The following TMOD4 variants were observed in gnomAD, a reference collection of about 807,000 sequenced individuals.
TMOD4 encodes tropomodulin-4.
A neutral mutation model predicts 45.4 loss-of-function variants in TMOD4; 34 were observed. The observed-to-expected ratio is 0.75, with a 90% CI of 0.57 to 1.00. The LOEUF is 1.00. TMOD4 is among the 50% of genes least tolerant of loss of function. TMOD4 has a pLI of 0.00. For missense variants in TMOD4, 399 were observed against 437.5 expected (o/e 0.91, Z 0.78); for synonymous variants, 131 against 153.9 (o/e 0.85, Z 1.10).
intron 5 of TMOD4, 89 bp downstream of exon 5, chr1:151,172,179 A>G: frequency 9.2e-7 from 1 of 1,083,632 alleles, no homozygotes; most frequent in East Asian, 2.4e-5. Flanking sequence ...CTCTCCCAGA[A>G]TCATCAATTT....
In TMOD4 at chr1:151,170,612, G is replaced by C. The variant is rs753356042; in HGVS notation, c.922C>G (p.Gln308Glu). The C allele has an allele frequency of 6.2e-7, 1 of 1,614,202 alleles. No individual in the cohort carries two copies. Among genetic ancestry groups the C allele is most frequent in the African/African-American group, 1.3e-5 (1 of 75,056 alleles). Residue 308 changes from glutamine to glutamate, a missense_variant, in exon 9 of 10, where the codon CAG becomes GAG. By Grantham distance (29) the Gln-to-Glu change is conservative. Coordinates refer to ENST00000295314, the MANE Select transcript of TMOD4 (RefSeq NM_013353.3). ...VEMEMATVLE[Q>E]CPSIVRFGYH... is the part of the protein sequence containing the mutation. ...CCAAAGCGGACAATAGAGGGACACT[G>C]CTCTAGCACGGTGGCCATCTCCATC... is the stretch of plus-strand genomic sequence containing the variant.
intron 5 of TMOD4, 78 bp from the exon 6 acceptor site, chr1:151,171,841 T>TTC: frequency 7.4e-7 from 1 of 1,350,300 alleles, no homozygotes; most frequent in Middle Eastern, 2.6e-4. Flanking sequence ...TTCTTTTCTT[T>TTC]TTTTTTTTTT....
In TMOD4 at chr1:151,174,793, A is replaced by G. The variant is rs767874481; in HGVS notation, c.83T>C (p.Leu28Pro). The G allele has an allele frequency of 2.5e-6, 4 of 1,614,110 alleles. No homozygotes were observed. The highest frequency in any genetic ancestry group is 2.5e-6 in the Non-Finnish European group (3 of 1,180,022). Residue 28 changes from leucine to proline, a missense_variant, in exon 2 of 10, where the codon CTA becomes CCA. By Grantham distance (98) the Leu-to-Pro change is moderately conservative. Transcript: ENST00000295314. ...CTGTAGTTCGCAGTCCAGCTGCTCT[A>G]GCTCCTCGGGGCTCAAGGTCCTTAG... ...EILRTLSPEE[L>P]EQLDCELQEM...
chr1:151,171,710 TGGGATTTG>T lies in TMOD4; in HGVS notation c.533_540del (p.Pro178HisfsTer4), dbSNP rs1253995050. 2 of 1,614,062 alleles carry T rather than the reference TGGGATTTG, an allele frequency of 1.2e-6. No individual in the cohort carries two copies. Among genetic ancestry groups the T allele is most frequent in the Non-Finnish European group, 1.7e-6 (2 of 1,179,996 alleles). On this transcript the variant is annotated frameshift_variant, in exon 6 of 10. Transcript: ENST00000295314. LOFTEE classifies it high-confidence loss of function. Reference sequence around the variant, plus strand: ...CTCTTTAGTATCTCCTCAATGTTTGTGGGATTTGGGGGTTCATCCGGCACTGGCTTATA... The same window carrying T: ...CTCTTTAGTATCTCCTCAATGTTTGTGGGGTTCATCCGGCACTGGCTTATA...
In TMOD4 at chr1:151,170,059, G is replaced by T. The variant is rs765127214; in HGVS notation, c.*22C>A. 1 of 1,613,984 alleles carries T rather than the reference G, an allele frequency of 6.2e-7. No individual in the cohort carries two copies. The highest frequency in any genetic ancestry group is 1.1e-5 in the South Asian group (1 of 91,082). On this transcript the variant is annotated 3_prime_UTR_variant, in exon 10 of 10. Transcript: ENST00000295314. ...TAAGTGTCCAGTGCTCCCAGCGCTA[G>T]TTGGTAAAGGGAAATGCAGTGTTAT...
In TMOD4 at chr1:151,171,832, T is replaced by C. The variant is rs1683968697; in HGVS notation, c.488-69A>G. 46 of 1,537,430 alleles carry C rather than the reference T, an allele frequency of 3.0e-5. No individual in the cohort carries two copies. The South Asian group carries it at 5.7e-4, about 19-fold the overall frequency. On this transcript the variant is annotated intron_variant, in intron 5 of 9. Coordinates refer to ENST00000295314, the MANE Select transcript of TMOD4 (RefSeq NM_013353.3). ...AATCTCCTCCCCATTGGTTTTCTTTTCTTTTCTTTTTTTTTTTTTTTGAGA... is the reference window on the plus strand; with the variant it reads ...AATCTCCTCCCCATTGGTTTTCTTTCCTTTTCTTTTTTTTTTTTTTTGAGA...
In TMOD4 at chr1:151,173,614, C is replaced by G. The variant is rs765682651; in HGVS notation, c.282G>C (p.Gly94=). ...CCCTCTTGGGCTGAATATAGGGTTT[C>G]CCTGATGGGGAGATGAAGGATGGCT... The part of the protein sequence containing the change: ...DLVPFTGEKK[G]KPYIQPKREI... Residue 94 remains glycine (G), a splice_region_variant and synonymous_variant, in exon 4 of 10, where the codon GGG becomes GGC. Transcript: ENST00000295314. The G allele has an allele frequency of 1.9e-6, 3 of 1,612,728 alleles. No homozygotes were observed. The highest frequency in any genetic ancestry group is 2.2e-5 in the East Asian group (1 of 44,872).
chr1:151,172,805 TTTG>T (rs925980136), intron 4 of TMOD4, among the ~76,000 whole-genome samples: 71 of 152,010 alleles, frequency 4.7e-4, no homozygotes, highest in African/African-American at 1.5e-3. Context: ...GCTAATTTTT[TTTG>T]TTGTTGTTTT....
intron 9 of TMOD4, 96 bp downstream of exon 9, chr1:151,170,423 A>G: frequency 2.6e-6 from 4 of 1,551,910 alleles, no homozygotes; most frequent in South Asian, 1.2e-5. Context: ...CTTTGGTAGC[A>G]CCCTGGGCTG....
rs1029889683 is a variant in TMOD4 at position 151,175,934 on chromosome 1, G to C, written c.-53C>G. 6.6e-6 allele frequency: 1 copy of C among 152,292 alleles called. No individual in the cohort carries two copies. Among genetic ancestry groups the C allele is most frequent in the African/African-American group, 2.4e-5 (1 of 41,390 alleles). The allele number at this position is 152,292 out of a possible 1,614,324, so 9.4% of individuals were successfully genotyped here. A position where few individuals can be genotyped will look rare whatever the true frequency, so the allele number is the denominator to read the frequency against. On this transcript the variant is annotated 5_prime_UTR_variant, in exon 1 of 10. Transcript: ENST00000295314. ...GTCTTCCCCACCTACCAGTCCTGGTGGTCACCTCCCTTCTCACCTCCCCTG... is the reference window on the plus strand; with the variant it reads ...GTCTTCCCCACCTACCAGTCCTGGTCGTCACCTCCCTTCTCACCTCCCCTG...
intron 2 of TMOD4, 94 bp downstream of exon 2, chr1:151,174,659 G>A: frequency 1.9e-6 from 3 of 1,601,148 alleles, no homozygotes; most frequent in African/African-American, 1.3e-5. Context: ...AGGACCCTAG[G>A]TCCTGTAGCA....
intron 3 of TMOD4, 125 bp downstream of exon 3, chr1:151,174,266 G>T: frequency 4.1e-6 from 4 of 981,206 alleles, no homozygotes; most frequent in Non-Finnish European, 6.2e-6. Context: ...GCATTTAAGT[G>T]TCAGGGCATC....
At chr1:151,172,669 G>T (rs1276363087) in intron 4 of TMOD4, among the ~76,000 whole-genome samples, 1 of 151,826 alleles carries the variant, frequency 6.6e-6, no homozygotes, top group Non-Finnish European at 1.5e-5. Context: ...GTCTCACTCT[G>T]TCCCCCAGGC....
At chr1:151,172,443 T>C (rs892423667) in intron 4 of TMOD4, 86 bp from the exon 5 acceptor site, 76 of 1,109,242 alleles carry the variant, frequency 6.9e-5, no homozygotes, top group Middle Eastern at 2.1e-4. Flanking sequence ...ATCTGTTGCA[T>C]TTGTAAAGCC....
At chr1:151,170,427 T>C in intron 9 of TMOD4, 92 bp downstream of exon 9, 2 of 1,562,128 alleles carry the variant, frequency 1.3e-6, no homozygotes, top group Admixed American at 1.7e-5. Context: ...GGTAGCACCC[T>C]GGGCTGTTAG....
chr1:151,171,458 G>A lies in TMOD4; in HGVS notation c.701C>T (p.Thr234Met), dbSNP rs769600169. 3.0e-5 allele frequency: 48 copies of A among 1,614,172 alleles called. 1 individual carries two copies. The Admixed American group carries it at 6.8e-4, about 23-fold the overall frequency. The change falls in exon 7 of 10, where the codon ACG (threonine) becomes ATG (methionine). Residue 234 changes from threonine (T) to methionine (M), a missense_variant. Coordinates refer to ENST00000295314, the MANE Select transcript of TMOD4 (RefSeq NM_013353.3). Reference sequence around the variant, plus strand: ...ATTGGCAATGGGGTCACCACTCCTCGTGGCTACCAGACTGAAGCTCCGCAC... The same window carrying A: ...ATTGGCAATGGGGTCACCACTCCTCATGGCTACCAGACTGAAGCTCCGCAC... ...TYVRSFSLVATRSGDPIANAV... is the reference protein window; with the variant it reads ...TYVRSFSLVAMRSGDPIANAV...
intron 3 of TMOD4, 45 bp from the exon 4 acceptor site, chr1:151,173,660 C>T (rs2101714898): frequency 6.7e-7 from 1 of 1,489,598 alleles, no homozygotes; most frequent in East Asian, 2.3e-5. Context: ...TAATTTCTCC[C>T]AAGATCCTGG....
chr1:151,175,212 T>C (rs1262756814), intron 1 of TMOD4: 1 of 265,494 alleles, frequency 3.8e-6, no homozygotes, highest in Non-Finnish European at 7.4e-6. Context: ...ATAACCTCAC[T>C]TGTCAGTGCC....
chr1:151,173,998 G>A (rs374682027), intron 3 of TMOD4, among the ~76,000 whole-genome samples: 24 of 152,192 alleles, frequency 1.6e-4, no homozygotes, highest in Admixed American at 5.2e-4. Context: ...GGCAGATCAC[G>A]AGGTCAGGAG....
Sources: allele counts gnomAD v4.1 joint callset (sites outside exome capture counted in the v4.1 genomes callset), GRCh38; gene constraint gnomAD v4.1.1; transcripts MANE v1.5; gene names NCBI Gene and HGNC (gene_info 2026-07-23, HGNC 2026-07-21).